The following SCAND3 variants were observed in gnomAD, a reference collection of about 807,000 sequenced individuals.
The protein encoded by SCAND3 is SCAN domain-containing protein 3.
chr6:28,601,396 T>C, the SCAND3 span, among the ~76,000 whole-genome samples: 1 of 152,340 alleles, frequency 6.6e-6, no homozygotes, highest in South Asian at 2.1e-4. Flanking sequence ...CATTACACCA[T>C]TCTCTCTAAC....
At chr6:28,608,104 A>C in the SCAND3 span, among the ~76,000 whole-genome samples, 1 of 152,144 alleles carries the variant, frequency 6.6e-6, no homozygotes, top group African/African-American at 2.4e-5. Flanking sequence ...GAAATACTGG[A>C]ATGTGGACAG....
At chr6:28,588,237 C>T in the SCAND3 span, 1 of 152,196 alleles carries the variant, frequency 6.6e-6, no homozygotes, top group African/African-American at 2.4e-5. The surrounding 1 kb of genome is among the most constrained non-coding windows in gnomAD (Gnocchi z 4.1). Context: ...TTTTCCCAGT[C>T]ACTTTTAACG....
the SCAND3 span, among the ~76,000 whole-genome samples, chr6:28,580,428 C>A: frequency 2.7e-5 from 4 of 147,690 alleles, no homozygotes; most frequent in Non-Finnish European, 4.5e-5. Context: ...CACGACAGAG[C>A]GAGACTCCGT....
the SCAND3 span, among the ~76,000 whole-genome samples, chr6:28,612,689 A>T: frequency 4.6e-5 from 7 of 152,260 alleles, no homozygotes; most frequent in Non-Finnish European, 8.8e-5. Flanking sequence ...ATTTCTAAAC[A>T]TTTAGAAAGC....
At chr6:28,609,722 T>C in the SCAND3 span, among the ~76,000 whole-genome samples, 1 of 152,158 alleles carries the variant, frequency 6.6e-6, no homozygotes, top group South Asian at 2.1e-4. Flanking sequence ...CCACATATCA[T>C]GTAACCCATA....
chr6:28,594,338 C>T, the SCAND3 span: 1 of 152,216 alleles, frequency 6.6e-6, no homozygotes, highest in Non-Finnish European at 1.5e-5. Flanking sequence ...ACCTAAGTGT[C>T]CATCATCAGA....
the SCAND3 span, among the ~76,000 whole-genome samples, chr6:28,600,205 ACT>A: frequency 2.6e-5 from 4 of 152,188 alleles, no homozygotes; most frequent in Non-Finnish European, 5.9e-5. Flanking sequence ...TGTACAAAGA[ACT>A]CTCAAAAATT....
At chr6:28,589,933 T>A in the SCAND3 span, 1 of 150,772 alleles carries the variant, frequency 6.6e-6, no homozygotes, top group Non-Finnish European at 1.5e-5. Context: ...CCCATCTTGA[T>A]GAGACAATTC....
chr6:28,572,366 G>T, the SCAND3 span: 1 of 1,610,286 alleles, frequency 6.2e-7, no homozygotes, highest in Non-Finnish European at 8.5e-7. This position sits in a 1 kb window ranked among gnomAD's most constrained non-coding sequence, Gnocchi z 4.1. Context: ...ATAACTTTTC[G>T]CAGATGTGCA....
chr6:28,574,877 AT>A, the SCAND3 span: 6 of 1,614,056 alleles, frequency 3.7e-6, no homozygotes, highest in East Asian at 1.1e-4. Flanking sequence ...ACACCTGTGC[AT>A]TCTTTTTCAC....
chr6:28,593,141 C>T, the SCAND3 span, among the ~76,000 whole-genome samples: 3 of 151,634 alleles, frequency 2.0e-5, no homozygotes, highest in African/African-American at 4.9e-5. Context: ...AATGGGAAAA[C>T]ATTTGCAAAC....
chr6:28,575,347 A>G, the SCAND3 span: 8 of 1,613,970 alleles, frequency 5.0e-6, no homozygotes, highest in Admixed American at 1.7e-5. This position sits in a 1 kb window ranked among gnomAD's most constrained non-coding sequence, Gnocchi z 4.2. Context: ...TTCTGGCCAA[A>G]TATTACTGAG....
chr6:28,581,754 T>C, the SCAND3 span, among the ~76,000 whole-genome samples: 2 of 152,208 alleles, frequency 1.3e-5, no homozygotes, highest in Non-Finnish European at 2.9e-5. Flanking sequence ...CCCCGAAATA[T>C]GCTTATTTCT....
chr6:28,597,075 G>T, the SCAND3 span, among the ~76,000 whole-genome samples: 1 of 152,140 alleles, frequency 6.6e-6, no homozygotes, highest in South Asian at 2.1e-4. Flanking sequence ...CCTTAAGAAG[G>T]TTACCATCTG....
At chr6:28,574,684 G>A in the SCAND3 span, 1 of 1,613,956 alleles carries the variant, frequency 6.2e-7, no homozygotes, top group South Asian at 1.1e-5. Context: ...TGTCCCTGAT[G>A]GCTTTAGCAT....
At chr6:28,575,371 T>G in the SCAND3 span, 2 of 1,613,940 alleles carry the variant, frequency 1.2e-6, no homozygotes, top group Non-Finnish European at 1.7e-6. The surrounding 1 kb of genome is among the most constrained non-coding windows in gnomAD (Gnocchi z 4.2). Context: ...ACTGACAACC[T>G]GGCTTGAAAA....
chr6:28,611,097 A>C, the SCAND3 span, among the ~76,000 whole-genome samples: 1 of 152,202 alleles, frequency 6.6e-6, no homozygotes, highest in Non-Finnish European at 1.5e-5. Flanking sequence ...CACATACACC[A>C]ATGGCTATCG....
At chr6:28,573,338 C>A in the SCAND3 span, 3 of 1,614,108 alleles carry the variant, frequency 1.9e-6, no homozygotes, top group Non-Finnish European at 2.5e-6. Context: ...TCCAAGCAAA[C>A]TTCTTTGATG....
At chr6:28,573,664 A>G in the SCAND3 span, 13 of 1,611,704 alleles carry the variant, frequency 8.1e-6, no homozygotes, top group Admixed American at 1.7e-5. Flanking sequence ...ACCAAACTCA[A>G]TATATGAAGG....
Sources: allele counts gnomAD v4.1 joint callset (sites outside exome capture counted in the v4.1 genomes callset), GRCh38; gene constraint gnomAD v4.1.1; non-coding constraint Gnocchi (gnomAD v3.1); transcripts MANE v1.5; gene names NCBI Gene and HGNC (gene_info 2026-07-23, HGNC 2026-07-21).